Variants in LRRC7 observed in about 807,000 individuals in gnomAD.
The protein encoded by LRRC7 is leucine rich repeat containing 7.
LRRC7 carries 23 observed loss-of-function variants against 175.7 expected under a neutral mutation model. The ratio of observed to expected loss-of-function variants is 0.13; its 90% CI spans 0.09 to 0.19. LRRC7 has a LOEUF of 0.19. LRRC7 is among the 10% of genes least tolerant of loss of function. The pLI, the probability that LRRC7 is intolerant of heterozygous loss-of-function variation, is 1.00. For synonymous variants in LRRC7, 685 were observed against 680.9 expected (o/e 1.01, Z -0.09); for missense variants, 1,354 against 1,904.7 (o/e 0.71, Z 5.38).
intron 1 of LRRC7, among the ~76,000 whole-genome samples, chr1:69,576,947 C>A (rs2100899189): frequency 6.6e-6 from 1 of 152,236 alleles, no homozygotes; most frequent in Admixed American, 6.5e-5. Context: ...ATCTTTTGCA[C>A]TATCTAATTT....
In LRRC7 at chr1:69,792,176, C is replaced by T. The variant is rs1675201984; in HGVS notation, c.421+16C>T. 1 of 1,404,754 alleles carries T rather than the reference C, an allele frequency of 7.1e-7. No individual in the cohort carries two copies. The highest frequency in any genetic ancestry group is 1.8e-5 in the Admixed American group (1 of 54,836). The allele number at this position is 1,404,754 out of a possible 1,614,324, so 87.0% of individuals were successfully genotyped here. ...AGTAAAAATGGTAAGATTTTTCTCT[C>T]ATCATAAAATACCTAGAATTTTTTA... On this transcript the variant is annotated intron_variant, in intron 4 of 26. Transcript: ENST00000651989.
chr1:70,046,007 A>C (rs1660301527), intron 22 of LRRC7, among the ~76,000 whole-genome samples: 1 of 152,130 alleles, frequency 6.6e-6, no homozygotes, highest in South Asian at 2.1e-4. Flanking sequence ...AAACCATATC[A>C]AACCTTTAAA....
rs995346329 is a variant in LRRC7, at chr1:70,143,787, T to C, written c.*21900T>C. 2 of 152,304 alleles carry C rather than the reference T, an allele frequency of 1.3e-5. No homozygotes were observed. Among genetic ancestry groups the C allele is most frequent in the Non-Finnish European group, 2.9e-5 (2 of 68,012 alleles). 9.4% of individuals were successfully genotyped at this position (152,304 alleles called of 1,614,324 possible). On this transcript the variant is annotated 3_prime_UTR_variant, in exon 27 of 27. Coordinates refer to ENST00000651989, the MANE Select transcript of LRRC7 (RefSeq NM_001370785.2). Reference sequence around the variant, plus strand: ...AACATGTTTAACTGAAATGGCTGTATTGTAATTAATATTTTGAGATAATTG... The same window carrying C: ...AACATGTTTAACTGAAATGGCTGTACTGTAATTAATATTTTGAGATAATTG...
At chr1:69,811,159 A>G (rs576907441) in intron 4 of LRRC7, among the ~76,000 whole-genome samples, 2 of 152,312 alleles carry the variant, frequency 1.3e-5, no homozygotes, top group South Asian at 4.1e-4. Context: ...GCCAACAAAC[A>G]TATGAAAAAA....
At position 69,597,976 on chromosome 1, in the gene LRRC7, G is replaced by A. The variant is rs552025488; in HGVS notation, c.2+29335G>A. Among the ~76,000 whole-genome samples the A allele has an allele frequency of 2.6e-5, 4 of 152,258 alleles. No homozygotes were observed. The South Asian group carries it at 8.3e-4, about 32-fold the overall frequency. ...ACTACCTTTCAAAATAATCGCTAGA[G>A]AATATTCTAAGAGACTCCTTTCATC... On this transcript the variant is annotated intron_variant, in intron 1 of 26. Transcript: ENST00000651989.
intron 4 of LRRC7, among the ~76,000 whole-genome samples, chr1:69,804,272 T>C (rs893652984): frequency 4.0e-5 from 6 of 151,444 alleles, no homozygotes; most frequent in African/African-American, 1.5e-4. Context: ...TATATTCTTT[T>C]ATTATTAGGT....
At chr1:69,741,525 C>G (rs995862541) in intron 2 of LRRC7, among the ~76,000 whole-genome samples, 5 of 151,978 alleles carry the variant, frequency 3.3e-5, no homozygotes, top group African/African-American at 1.2e-4. Context: ...GCCAGACCAC[C>G]AAATGCAGTG....
At chr1:69,734,838 A>G (rs1667940635) in intron 2 of LRRC7, among the ~76,000 whole-genome samples, 1 of 151,954 alleles carries the variant, frequency 6.6e-6, no homozygotes, top group South Asian at 2.1e-4. Flanking sequence ...AGTGGACTAT[A>G]GACAAAATGA....
chr1:69,585,540 A>G (rs184430212), intron 1 of LRRC7, among the ~76,000 whole-genome samples: 52 of 152,316 alleles, frequency 3.4e-4, no homozygotes, highest in African/African-American at 1.1e-3. Context: ...AAAGTTGATA[A>G]ATAGTATATA....
intron 26 of LRRC7, among the ~76,000 whole-genome samples, chr1:70,119,641 A>G (rs1666089597): frequency 7.4e-6 from 1 of 135,356 alleles, no homozygotes; most frequent in Non-Finnish European, 1.6e-5. Context: ...TTTTATACCA[A>G]TTTCGCCCTT....
At chr1:69,633,417 G>GTTTAT (rs1553129358) in intron 1 of LRRC7, among the ~76,000 whole-genome samples, 1 of 150,942 alleles carries the variant, frequency 6.6e-6, no homozygotes, top group Non-Finnish European at 1.5e-5. Context: ...AATTTTTTTT[G>GTTTAT]TTATTTATTT....
intron 3 of LRRC7, among the ~76,000 whole-genome samples, chr1:69,770,641 C>A (rs1008331577): frequency 3.3e-5 from 5 of 152,170 alleles, no homozygotes; most frequent in Admixed American, 6.5e-5. Context: ...AGATTTAACA[C>A]AGCCTAAACT....
At chr1:69,685,525 GA>G (rs1044419772) in intron 2 of LRRC7, among the ~76,000 whole-genome samples, 1 of 151,792 alleles carries the variant, frequency 6.6e-6, no homozygotes, top group African/African-American at 2.4e-5. Flanking sequence ...GGAAAAAAAA[GA>G]AGTTATAAAA....
intron 8 of LRRC7, among the ~76,000 whole-genome samples, chr1:69,934,494 C>CT (rs1491327780): frequency 0.032 from 1,475 of 46,560 alleles, 33 homozygotes; most frequent in South Asian, 0.048. Flanking sequence ...GATATTTTGG[C>CT]GGGGGGGGGG....
intron 11 of LRRC7, among the ~76,000 whole-genome samples, chr1:70,009,244 C>T (rs79772915): frequency 0.012 from 1,787 of 152,024 alleles, 40 homozygotes; most frequent in African/African-American, 0.041. Flanking sequence ...GCTGAGTACA[C>T]GACCCCAAAC....
At chr1:70,060,368 T>A (rs1395075496) in intron 23 of LRRC7, among the ~76,000 whole-genome samples, 4 of 152,062 alleles carry the variant, frequency 2.6e-5, no homozygotes, top group African/African-American at 9.7e-5. Flanking sequence ...CACTGAAAAG[T>A]AAATTTATTG....
At chr1:69,847,187 T>A (rs1255537109) in intron 7 of LRRC7, among the ~76,000 whole-genome samples, 1 of 152,138 alleles carries the variant, frequency 6.6e-6, no homozygotes, top group Non-Finnish European at 1.5e-5. Flanking sequence ...ATTGTTTGTA[T>A]CTTCATGTAT....
chr1:69,747,977 C>A (rs1669438387), intron 2 of LRRC7, among the ~76,000 whole-genome samples: 1 of 152,056 alleles, frequency 6.6e-6, no homozygotes, highest in African/African-American at 2.4e-5. Context: ...TTTAACTCTT[C>A]TTTCACCCTG....
At chr1:69,612,346 T>C (rs949105780) in intron 1 of LRRC7, among the ~76,000 whole-genome samples, 1 of 152,078 alleles carries the variant, frequency 6.6e-6, no homozygotes, top group Non-Finnish European at 1.5e-5. Flanking sequence ...TATAACTTTC[T>C]ATTTCATTTC....
Sources: gnomAD v4.1 joint callset for allele counts (sites outside exome capture counted in the v4.1 genomes callset) on GRCh38, gnomAD v4.1.1 for gene constraint, MANE v1.5 for transcripts, NCBI Gene and HGNC (gene_info 2026-07-23, HGNC 2026-07-21) for gene names.